The following ZBTB16 variants were observed in gnomAD, a reference collection of about 807,000 sequenced individuals.
The protein encoded by ZBTB16 is zinc finger and BTB domain-containing protein 16.
ZBTB16 carries 8 observed loss-of-function variants against 56.8 expected under a neutral mutation model. The ratio of observed to expected loss-of-function variants is 0.14; its 90% CI spans 0.08 to 0.25. The LOEUF (loss-of-function observed/expected upper bound fraction) is 0.25, where lower values mean the gene tolerates loss of function less well. ZBTB16 is among the 10% of genes least tolerant of loss of function. The probability of loss-of-function intolerance (pLI) is 1.00; values close to 1 mark genes in which losing one functional copy is unlikely to be tolerated. For missense variants in ZBTB16, 625 were observed against 903.0 expected, an observed-to-expected ratio of 0.69 and a Z score of 3.95; for synonymous variants, 363 against 368.5, an observed-to-expected ratio of 0.98 and a Z score of 0.17.
intron 4 of ZBTB16, among the ~76,000 whole-genome samples, chr11:114,241,340 G>A (rs985410091): frequency 5.3e-5 from 8 of 152,090 alleles, no homozygotes; most frequent in Non-Finnish European, 5.9e-5. Context: ...TCTATGGCAG[G>A]AGTCCCCAAC....
intron 3 of ZBTB16, chr11:114,180,759 A>T (rs1943228667): frequency 6.6e-6 from 1 of 152,232 alleles, no homozygotes; most frequent in South Asian, 2.1e-4. Context: ...TTTAACAAGC[A>T]TTTAGTGGGC....
chr11:114,207,571 T>C (rs914274865), intron 4 of ZBTB16, among the ~76,000 whole-genome samples: 4 of 147,346 alleles, frequency 2.7e-5, no homozygotes, highest in African/African-American at 1.1e-4. Context: ...TGTGTCTTGT[T>C]TGCCTGATAC....
intron 4 of ZBTB16, 111 bp from the exon 5 acceptor site, chr11:114,242,056 G>C: frequency 1.2e-5 from 17 of 1,423,130 alleles, no homozygotes; most frequent in Non-Finnish European, 1.6e-5. Flanking sequence ...TTGCCCCTGA[G>C]CATGGGGATT....
chr11:114,247,192 C>T lies in ZBTB16; in HGVS notation c.1625-6C>T, dbSNP rs201291157. The T allele has an allele frequency of 1.2e-6, 2 of 1,614,106 alleles. No homozygotes were observed. Among genetic ancestry groups the T allele is most frequent in the Non-Finnish European group, 1.7e-6 (2 of 1,180,060 alleles). ...AAAGGCCTGATCCAGCCCCTTGTCT[C>T]CACAGGCGACCACCCCTACGAGTGT... On this transcript the variant is annotated splice_region_variant and splice_polypyrimidine_tract_variant and intron_variant, in intron 5 of 6. Transcript: ENST00000335953.
chr11:114,099,455 C>T (rs1214206894), intron 2 of ZBTB16, among the ~76,000 whole-genome samples: 1 of 151,020 alleles, frequency 6.6e-6, no homozygotes, highest in Non-Finnish European at 1.5e-5. Context: ...TCTCTTGGCA[C>T]CTGGCTTAAA....
At chr11:114,091,114 C>T (rs566472086) in intron 2 of ZBTB16, among the ~76,000 whole-genome samples, 3 of 152,098 alleles carry the variant, frequency 2.0e-5, no homozygotes, top group South Asian at 2.1e-4. Context: ...TTCGGGAGGC[C>T]GAGGTGGAAG....
intron 2 of ZBTB16, among the ~76,000 whole-genome samples, chr11:114,149,541 T>C (rs891207681): frequency 6.6e-6 from 1 of 152,194 alleles, no homozygotes; most frequent in African/African-American, 2.4e-5. Flanking sequence ...TTGTTTGAAA[T>C]CCTTGGCTTT....
intron 3 of ZBTB16, among the ~76,000 whole-genome samples, chr11:114,179,708 G>A (rs1943201880): frequency 6.6e-6 from 1 of 152,000 alleles, no homozygotes; most frequent in South Asian, 2.1e-4. Context: ...CTTTGGAGAG[G>A]GAGGGATTTG....
In ZBTB16 at chr11:114,184,124, A is replaced by G. The variant is rs1943312965; in HGVS notation, c.1367-2828A>G. 2.0e-5 allele frequency among the ~76,000 whole-genome samples: 3 copies of G among 152,224 alleles called. No individual in the cohort carries two copies. In the South Asian group the frequency reaches 6.2e-4, roughly 31 times the overall value. On this transcript the variant is annotated intron_variant, in intron 3 of 6. Coordinates refer to ENST00000335953, the MANE Select transcript of ZBTB16 (RefSeq NM_006006.6). ...TCTTCCATGGGGTACTTTATCACCC[A>G]CTTATCCAGCCAGTCGACTCACATT...
Position 114,167,386 on chromosome 11 carries a change from GTT to G in ZBTB16, c.1366+10966_1366+10967del, listed in dbSNP as rs200403454. 4.9e-4 allele frequency among the ~76,000 whole-genome samples: 46 copies of G among 94,656 alleles called. 1 individual carries two copies. The highest frequency in any genetic ancestry group is 5.5e-3 in the Middle Eastern group (1 of 182). The allele number at this position is 94,656 out of a possible 152,430, so 62.1% of individuals were successfully genotyped here. On this transcript the variant is annotated intron_variant, in intron 3 of 6. Transcript: ENST00000335953. ...TATAGAAACCAGGGCGAGTTTTTTT[GTT>G]TTTTTTTTTTTTTAAATTCTCCCTC...
chr11:114,091,618 C>G (rs1250724398), intron 2 of ZBTB16, among the ~76,000 whole-genome samples: 1 of 150,220 alleles, frequency 6.7e-6, no homozygotes, highest in Admixed American at 6.6e-5. Flanking sequence ...CCCTCCCTCC[C>G]TCCCTTCCTC....
intron 2 of ZBTB16, among the ~76,000 whole-genome samples, chr11:114,106,647 T>A (rs1345575277): frequency 2.6e-5 from 4 of 151,980 alleles, no homozygotes; most frequent in Admixed American, 6.6e-5. Flanking sequence ...ATTTTTAAAA[T>A]TTTTTTAGTA....
Position 114,183,180 on chromosome 11 carries a change from C to T in ZBTB16, c.1367-3772C>T, listed in dbSNP as rs147498113. ...AGTGGGGGCTAGCAATGGGAGCTGA[C>T]GTTTGTGTTATCCACGTGTAAGGAG... On this transcript the variant is annotated intron_variant, in intron 3 of 6. Transcript: ENST00000335953. 3.0e-3 allele frequency among the ~76,000 whole-genome samples: 458 copies of T among 152,210 alleles called. 3 individuals are homozygous for T. The highest frequency in any genetic ancestry group is 0.011 in the African/African-American group (441 of 41,532).
At chr11:114,204,625 C>A (rs925038424) in intron 4 of ZBTB16, among the ~76,000 whole-genome samples, 2 of 152,136 alleles carry the variant, frequency 1.3e-5, no homozygotes, top group African/African-American at 4.8e-5. Flanking sequence ...CACCAGGGAC[C>A]AGACCCTGTA....
intron 2 of ZBTB16, among the ~76,000 whole-genome samples, chr11:114,092,423 CTTG>C (rs1490151179): frequency 2.0e-5 from 3 of 152,334 alleles, no homozygotes; most frequent in African/African-American, 7.2e-5. Flanking sequence ...CCTCGATCCT[CTTG>C]TTGTGTGGAG....
chr11:114,095,245 CTTTTTTTTTTTTT>C (rs745895999), intron 2 of ZBTB16, among the ~76,000 whole-genome samples: 1 of 90,480 alleles, frequency 1.1e-5, no homozygotes, highest in Admixed American at 1.2e-4. Flanking sequence ...CTTTTCTTTT[CTTTTTTTTTTTTT>C]TTTTTTTTTT....
rs1276403423 is a variant in ZBTB16, at chr11:114,255,417, C to T, written c.*4862C>T. Among the ~76,000 whole-genome samples the T allele has an allele frequency of 7.8e-6, 1 of 127,854 alleles. No individual in the cohort carries two copies. The highest frequency in any genetic ancestry group is 7.5e-5 in the Admixed American group (1 of 13,378). 83.9% of individuals were successfully genotyped at this position (127,854 alleles called of 152,430 possible). On this transcript the variant is annotated 3_prime_UTR_variant, in exon 7 of 7. Transcript: ENST00000335953. ...CTTTTTTGTACAAATCAATCTCTTT[C>T]TCTCTTTCTCTCCTCCCCACCTCTC...
Position 114,063,346 on chromosome 11 carries a change from C to T in ZBTB16, c.46C>T (p.His16Tyr). Residue 16 changes from histidine to tyrosine, a missense_variant, in exon 2 of 7, where the codon CAC becomes TAC. Around this residue, in one of 6 missense-constraint regions of ZBTB16, gnomAD observed 54 missense variants for 159.4 expected, o/e 0.34. Coordinates refer to ENST00000335953, the MANE Select transcript of ZBTB16 (RefSeq NM_006006.6). The surrounding 1 kb of genome is among the most constrained non-coding windows in gnomAD (Gnocchi z 6.5). ...CATGATCCAGCTGCAGAACCCTAGC[C>T]ACCCCACGGGGCTACTGTGCAAGGC... is the stretch of plus-strand genomic sequence containing the variant. ...MGMIQLQNPS[H>Y]PTGLLCKANQ... 1 of 1,614,122 alleles carries T rather than the reference C, an allele frequency of 6.2e-7. No individual in the cohort carries two copies. Among genetic ancestry groups the T allele is most frequent in the Non-Finnish European group, 8.5e-7 (1 of 1,180,036 alleles).
chr11:114,137,545 T>A (rs1941830414), intron 2 of ZBTB16, among the ~76,000 whole-genome samples: 1 of 152,200 alleles, frequency 6.6e-6, no homozygotes, highest in South Asian at 2.1e-4. Flanking sequence ...ATGACTAGAC[T>A]TGAGGAGTTC....
Sources: allele counts gnomAD v4.1 joint callset (sites outside exome capture counted in the v4.1 genomes callset), GRCh38; gene constraint gnomAD v4.1.1; regional missense constraint gnomAD v4.1.1; non-coding constraint Gnocchi (gnomAD v3.1); transcripts MANE v1.5; gene names NCBI Gene and HGNC (gene_info 2026-07-23, HGNC 2026-07-21).